KAZN: variants seen among roughly 807,000 people sequenced by gnomAD.
KAZN encodes the protein kazrin.
Under a neutral mutation model 87.4 loss-of-function variants are expected in KAZN, and 40 were observed. That is an observed-to-expected ratio of 0.46 (90% CI 0.36 to 0.60). The LOEUF (loss-of-function observed/expected upper bound fraction) is 0.60. KAZN is among the 20% of genes least tolerant of loss of function. The pLI, the probability that KAZN is intolerant of heterozygous loss-of-function variation, is 0.00. For missense variants in KAZN, 898 were observed against 1,073.9 expected, an observed-to-expected ratio of 0.84 and a Z score of 2.29; for synonymous variants, 466 against 458.3, an observed-to-expected ratio of 1.02 and a Z score of -0.22.
At chr1:13,927,551 T>C (rs867350714) in intron 1 of KAZN, among the ~76,000 whole-genome samples, 2 of 152,318 alleles carry the variant, frequency 1.3e-5, no homozygotes, top group Non-Finnish European at 2.9e-5. Context: ...ACTTCACTTT[T>C]ATCCACTTTG....
chr1:14,787,946 C>T (rs559882896), intron 1 of KAZN, among the ~76,000 whole-genome samples: 18 of 152,318 alleles, frequency 1.2e-4, no homozygotes, highest in South Asian at 2.1e-4. Context: ...AGGACCATGT[C>T]AGTGGCCCCA....
At chr1:14,724,370 G>A (rs4661518) in intron 1 of KAZN, among the ~76,000 whole-genome samples, 39,795 of 152,058 alleles carry the variant, frequency 0.26, 7,039 homozygotes, top group African/African-American at 0.49. Flanking sequence ...GCACAGATGC[G>A]TCTGCGGGAG....
intron 1 of KAZN, among the ~76,000 whole-genome samples, chr1:14,693,405 T>C (rs1203665774): frequency 6.6e-6 from 1 of 152,212 alleles, no homozygotes; most frequent in African/African-American, 2.4e-5. Flanking sequence ...AGCCTGCGTG[T>C]TGAGAGCCAT....
intron 2 of KAZN, among the ~76,000 whole-genome samples, chr1:14,362,763 T>A (rs747370304): frequency 2.6e-5 from 4 of 152,186 alleles, no homozygotes; most frequent in Non-Finnish European, 5.9e-5. Flanking sequence ...TTGCCAAAGT[T>A]CCCACAGCAA....
chr1:15,003,898 A>T (rs1668751668), intron 2 of KAZN, among the ~76,000 whole-genome samples: 1 of 152,124 alleles, frequency 6.6e-6, no homozygotes, highest in Non-Finnish European at 1.5e-5. Context: ...CCCTGCCCAC[A>T]TACACACACC....
chr1:14,784,887 C>G (rs1425685262), intron 1 of KAZN, among the ~76,000 whole-genome samples: 2 of 152,054 alleles, frequency 1.3e-5, no homozygotes, highest in African/African-American at 2.4e-5. Context: ...TGAGAATAGC[C>G]TCTTCTCAGC....
chr1:14,209,509 A>G (rs576902359), intron 2 of KAZN, among the ~76,000 whole-genome samples: 48 of 152,332 alleles, frequency 3.2e-4, no homozygotes, highest in African/African-American at 1.1e-3. Flanking sequence ...TTAAATTTAT[A>G]TGCATTTTCT....
intron 1 of KAZN, among the ~76,000 whole-genome samples, chr1:13,946,484 G>T (rs1162282621): frequency 6.6e-6 from 1 of 152,134 alleles, no homozygotes; most frequent in Non-Finnish European, 1.5e-5. Context: ...TGCCGACACC[G>T]TGATCAATAC....
At chr1:14,176,780 T>A (rs1570943369) in intron 1 of KAZN, among the ~76,000 whole-genome samples, 1 of 152,194 alleles carries the variant, frequency 6.6e-6, no homozygotes, top group African/African-American at 2.4e-5. Flanking sequence ...ATTTGTTTAA[T>A]TTTTTTAGGG....
intron 2 of KAZN, among the ~76,000 whole-genome samples, chr1:14,248,476 G>A (rs1649715162): frequency 6.6e-6 from 1 of 152,244 alleles, no homozygotes; most frequent in South Asian, 2.1e-4. Flanking sequence ...AATATGGTGA[G>A]ACTAGCAGAG....
Position 14,695,366 on chromosome 1 carries a change from T to C in KAZN, c.226+96143T>C, listed in dbSNP as rs140369701. Among the ~76,000 whole-genome samples, 398 of 152,162 alleles carry C rather than the reference T, an allele frequency of 2.6e-3. 2 individuals are homozygous for C. Among genetic ancestry groups the C allele is most frequent in the African/African-American group, 9.1e-3 (377 of 41,528 alleles). On this transcript the variant is annotated intron_variant, in intron 1 of 14. Transcript: ENST00000376030. ...TAGCAGTTGGTTGAACCCAACACTC[T>C]TGGACTGTCAGCAAAAAGAACACTT...
At chr1:14,634,189 T>C (rs12758763) in intron 1 of KAZN, among the ~76,000 whole-genome samples, 56,140 of 151,988 alleles carry the variant, frequency 0.37, 12,346 homozygotes, top group African/African-American at 0.62. Context: ...GTAATTCAGC[T>C]AGTGCACAAA....
chr1:14,535,991 G>A (rs909104357), intron 2 of KAZN, among the ~76,000 whole-genome samples: 1 of 152,254 alleles, frequency 6.6e-6, no homozygotes, highest in Admixed American at 6.5e-5. Flanking sequence ...AGCTCTCTGG[G>A]GCAGCCAAAG....
intron 2 of KAZN, among the ~76,000 whole-genome samples, chr1:14,230,986 T>C (rs1647772520): frequency 6.6e-6 from 1 of 152,154 alleles, no homozygotes; most frequent in African/African-American, 2.4e-5. Context: ...GGGGTAATAA[T>C]AGGTCCCCCT....
intron 2 of KAZN, among the ~76,000 whole-genome samples, chr1:14,292,642 A>G (rs936019171): frequency 5.3e-5 from 8 of 152,220 alleles, no homozygotes; most frequent in Non-Finnish European, 1.0e-4. Flanking sequence ...GCAGAGGTGC[A>G]GAGACAAGGC....
intron 2 of KAZN, among the ~76,000 whole-genome samples, chr1:14,187,911 C>T (rs1411352268): frequency 6.6e-6 from 1 of 152,176 alleles, no homozygotes; most frequent in Non-Finnish European, 1.5e-5. Flanking sequence ...CATTCACTCA[C>T]TTTCTCCTTT....
At position 14,858,373 on chromosome 1, in the gene KAZN, C is replaced by T. The variant is rs193230634; in HGVS notation, c.227-102311C>T. Among the ~76,000 whole-genome samples, 171 of 152,090 alleles carry T rather than the reference C, an allele frequency of 1.1e-3. 2 individuals are homozygous for T. Among genetic ancestry groups the T allele is most frequent in the Middle Eastern group, 6.8e-3 (2 of 294 alleles). On this transcript the variant is annotated intron_variant, in intron 1 of 14. Coordinates refer to ENST00000376030, the MANE Select transcript of KAZN (RefSeq NM_201628.3). ...AATTACAGGCGCCTGCCACCATGTC[C>T]ACCTAATTTTTGTATTTTTAGTAGA...
intron 2 of KAZN, among the ~76,000 whole-genome samples, chr1:14,332,334 C>A (rs1375015877): frequency 6.6e-6 from 1 of 152,120 alleles, no homozygotes; most frequent in African/African-American, 2.4e-5. Flanking sequence ...TTGGGAAGTT[C>A]TCCAGGAGGT....
intron 2 of KAZN, among the ~76,000 whole-genome samples, chr1:14,480,166 C>T (rs1668989852): frequency 6.6e-6 from 1 of 152,238 alleles, no homozygotes; most frequent in Non-Finnish European, 1.5e-5. Context: ...ATGTCAGCCT[C>T]TCCTCCTCTG....
Sources: gnomAD v4.1 joint callset for allele counts (sites outside exome capture counted in the v4.1 genomes callset) on GRCh38, gnomAD v4.1.1 for gene constraint, MANE v1.5 for transcripts, NCBI Gene and HGNC (gene_info 2026-07-23, HGNC 2026-07-21) for gene names.